The following GRK1 variants were observed in gnomAD, a reference collection of about 807,000 sequenced individuals.
GRK1 encodes the protein G protein-coupled receptor kinase 1, also known as rhodopsin kinase GRK1.
Under a neutral mutation model 41.7 loss-of-function variants are expected in GRK1, and 28 were observed. The observed-to-expected ratio is 0.67, with a 90% CI of 0.50 to 0.92. The LOEUF is 0.92. Among genes scored for constraint, GRK1 ranks in the 40% least tolerant of loss-of-function variants. The pLI, the probability that GRK1 is intolerant of heterozygous loss-of-function variation, is 0.00. For missense variants in GRK1, 703 were observed against 671.2 expected, an observed-to-expected ratio of 1.05 and a Z score of -0.52; for synonymous variants, 327 against 286.7, an observed-to-expected ratio of 1.14 and a Z score of -1.42.
At chr13:113,734,050 A>G (rs539422878) in intron 6 of GRK1, among the ~76,000 whole-genome samples, 9 of 141,422 alleles carry the variant, frequency 6.4e-5, no homozygotes, top group East Asian at 2.0e-4. Flanking sequence ...GTGTGTGCAT[A>G]CGTGTGTGTG....
Position 113,671,964 on chromosome 13 carries a change from C to T in GRK1, c.985+308C>T, listed in dbSNP as rs926827631. ...TCAGAAATAAACACGAGGGTTTAGGCTCCCGACAGCGGCAGGTCAGGCAAG... is the reference window on the plus strand; with the variant it reads ...TCAGAAATAAACACGAGGGTTTAGGTTCCCGACAGCGGCAGGTCAGGCAAG... On this transcript the variant is annotated intron_variant, in intron 3 of 6. Coordinates refer to ENST00000335678, the MANE Select transcript of GRK1 (RefSeq NM_002929.3). This position sits in a 1 kb window ranked among gnomAD's most constrained non-coding sequence, Gnocchi z 4.1. 2.6e-5 allele frequency among the ~76,000 whole-genome samples: 4 copies of T among 151,926 alleles called. No homozygotes were observed. Among genetic ancestry groups the T allele is most frequent in the African/African-American group, 9.7e-5 (4 of 41,314 alleles).
At chr13:113,658,272 C>G in the GRK1 span, 1 of 887,200 alleles carries the variant, frequency 1.1e-6, no homozygotes, top group Non-Finnish European at 1.7e-6. Flanking sequence ...CGAAGGATCC[C>G]AGGGAGAGGC....
At chr13:113,655,420 G>A in the GRK1 span, among the ~76,000 whole-genome samples, 1 of 152,200 alleles carries the variant, frequency 6.6e-6, no homozygotes, top group Non-Finnish European at 1.5e-5. Flanking sequence ...AAGACATCAG[G>A]AAGAGAAAGG....
In GRK1 at chr13:113,733,529, G is replaced by GTGTGTGCA. The variant is rs1379139647; in HGVS notation, c.1396+444_1396+445insTGTGTGCA. The stretch of plus-strand genomic sequence containing the variant: ...TGTGCACGTGTGTGTGCATGTGTGC[G>GTGTGTGCA]CGTGTGTGCATGCGTGTGCGCGCAC... On this transcript the variant is annotated intron_variant, in intron 6 of 6. Transcript: ENST00000335678. Among the ~76,000 whole-genome samples, 52 of 110,210 alleles carry GTGTGTGCA rather than the reference G, an allele frequency of 4.7e-4. 1 individual carries two copies. The highest frequency in any genetic ancestry group is 1.7e-3 in the African/African-American group (46 of 27,282). The allele number at this position is 110,210 out of a possible 152,430, so 72.3% of individuals were successfully genotyped here.
chr13:113,657,927 C>T, the GRK1 span: 1 of 920,696 alleles, frequency 1.1e-6, no homozygotes, highest in Non-Finnish European at 1.6e-6. Context: ...GCATCGGGGT[C>T]TCACTGTCAG....
chr13:113,661,016 T>C, the GRK1 span, among the ~76,000 whole-genome samples: 1 of 152,210 alleles, frequency 6.6e-6, no homozygotes, highest in Non-Finnish European at 1.5e-5. Context: ...CAGGATGTCA[T>C]TGACATTCGC....
chr13:113,656,064 T>A, the GRK1 span, among the ~76,000 whole-genome samples: 1 of 152,242 alleles, frequency 6.6e-6, no homozygotes, highest in East Asian at 1.9e-4. Context: ...GTGACGGCGT[T>A]CTTGTGTGGC....
In GRK1 at chr13:113,735,667, G is replaced by A. The variant is rs1036440460; in HGVS notation, c.*304G>A. 17 of 285,758 alleles carry A rather than the reference G, an allele frequency of 5.9e-5. No homozygotes were observed. The highest frequency in any genetic ancestry group is 3.5e-4 in the African/African-American group (16 of 46,178). The allele number at this position is 285,758 out of a possible 1,614,324, so 17.7% of individuals were successfully genotyped here. ...AGCCAAAAATCTACAAACTCTTAGG[G>A]AGCCTCCTGCATTGGTGATTGACCA... On this transcript the variant is annotated 3_prime_UTR_variant, in exon 7 of 7. Coordinates refer to ENST00000335678, the MANE Select transcript of GRK1 (RefSeq NM_002929.3).
chr13:113,654,146 GGTCCC>G, the GRK1 span, among the ~76,000 whole-genome samples: 4 of 152,292 alleles, frequency 2.6e-5, no homozygotes, highest in Non-Finnish European at 4.4e-5. Flanking sequence ...TTGCTTAGTT[GGTCCC>G]CTATGGATGC....
the GRK1 span, among the ~76,000 whole-genome samples, chr13:113,653,866 G>C: frequency 6.6e-6 from 1 of 152,256 alleles, no homozygotes; most frequent in Non-Finnish European, 1.5e-5. Context: ...TGCACACAGC[G>C]GGGAGTGAAA....
chr13:113,662,524 T>G (rs1320917615), upstream of GRK1, among the ~76,000 whole-genome samples: 1 of 152,220 alleles, frequency 6.6e-6, no homozygotes, highest in East Asian at 1.9e-4. Context: ...TATTTGCAGA[T>G]AACATGAATG....
chr13:113,723,391 G>A (rs547193745), intron 4 of GRK1, among the ~76,000 whole-genome samples: 100 of 152,210 alleles, frequency 6.6e-4, no homozygotes, highest in African/African-American at 2.3e-3. Flanking sequence ...TTGAGGACGC[G>A]AGTCCGTGGC....
At chr13:113,658,372 G>A in the GRK1 span, among the ~76,000 whole-genome samples, 13 of 152,360 alleles carry the variant, frequency 8.5e-5, no homozygotes, top group South Asian at 2.1e-4. Flanking sequence ...GGCCAGGCCC[G>A]CTTTCCTCAC....
chr13:113,652,658 T>C, the GRK1 span: 1 of 666,628 alleles, frequency 1.5e-6, no homozygotes, highest in Non-Finnish European at 2.7e-6. Context: ...GAGGGCCGGC[T>C]ATGTGCTGGT....
the GRK1 span, chr13:113,652,908 C>A: frequency 2.5e-6 from 4 of 1,614,218 alleles, no homozygotes; most frequent in Non-Finnish European, 2.5e-6. Flanking sequence ...GGCTTTCCTT[C>A]TTCAAAGCCG....
upstream of GRK1, among the ~76,000 whole-genome samples, chr13:113,663,025 AT>A (rs1004308251): frequency 3.3e-5 from 5 of 149,698 alleles, no homozygotes; most frequent in East Asian, 9.6e-4. Context: ...TTTTTTAAAC[AT>A]TTTTTGAAAT....
Position 113,732,009 on chromosome 13 carries a change from C to A in GRK1, c.1194+666C>A, listed in dbSNP as rs1053545107. The stretch of plus-strand genomic sequence containing the variant: ...TGGGCTGCCCCGGATCCTAGGCCAC[C>A]AGAACTGCAAATAGGGATAACATTG... On this transcript the variant is annotated intron_variant, in intron 5 of 6. Coordinates refer to ENST00000335678, the MANE Select transcript of GRK1 (RefSeq NM_002929.3). Among the ~76,000 whole-genome samples the A allele has an allele frequency of 2.0e-5, 3 of 152,304 alleles. No homozygotes were observed. In the South Asian group the frequency reaches 6.2e-4, roughly 32 times the overall value.
At chr13:113,734,359 C>T (rs187627431) in intron 6 of GRK1, 18 of 152,446 alleles carry the variant, frequency 1.2e-4, no homozygotes, top group African/African-American at 3.4e-4. Context: ...GAGGGGACCC[C>T]GCCCGCCCTG....
Position 113,728,061 on chromosome 13 carries a change from C to T in GRK1, c.1070-3158C>T, listed in dbSNP as rs1478862615. Among the ~76,000 whole-genome samples, 18 of 83,242 alleles carry T rather than the reference C, an allele frequency of 2.2e-4. 1 individual carries two copies. The highest frequency in any genetic ancestry group is 3.5e-4 in the Non-Finnish European group (15 of 42,708). The allele number at this position is 83,242 out of a possible 152,430, so 54.6% of individuals were successfully genotyped here. A position where few individuals can be genotyped will look rare whatever the true frequency, so the allele number is the denominator to read the frequency against. On this transcript the variant is annotated intron_variant, in intron 4 of 6. Coordinates refer to ENST00000335678, the MANE Select transcript of GRK1 (RefSeq NM_002929.3). ...GAGTACCCATGGCGATGAGGAGTACCCATGGCGATGAGGACCCATGGCAAT... is the reference window on the plus strand; with the variant it reads ...GAGTACCCATGGCGATGAGGAGTACTCATGGCGATGAGGACCCATGGCAAT...
Sources: allele counts gnomAD v4.1 joint callset (sites outside exome capture counted in the v4.1 genomes callset), GRCh38; gene constraint gnomAD v4.1.1; non-coding constraint Gnocchi (gnomAD v3.1); transcripts MANE v1.5; gene names NCBI Gene and HGNC (gene_info 2026-07-23, HGNC 2026-07-21).